CORO2B: variants seen among roughly 807,000 people sequenced by gnomAD.
CORO2B encodes the protein coronin-2B.
A neutral mutation model predicts 58.8 loss-of-function variants in CORO2B; 26 were observed. The observed-to-expected ratio is 0.44, with a 90% CI of 0.32 to 0.61. The LOEUF is 0.61. CORO2B is among the 20% of genes least tolerant of loss of function. CORO2B has a pLI of 0.04. For missense variants in CORO2B, 460 were observed against 645.1 expected, an observed-to-expected ratio of 0.71 and a Z score of 3.11; for synonymous variants, 242 against 253.8, an observed-to-expected ratio of 0.95 and a Z score of 0.44.
At chr15:68,595,520 C>T (rs766999586) in intron 1 of CORO2B, among the ~76,000 whole-genome samples, 1 of 152,232 alleles carries the variant, frequency 6.6e-6, no homozygotes, top group African/African-American at 2.4e-5. Context: ...ATCCCCTTCC[C>T]TCAGTTCAGC....
intron 2 of CORO2B, among the ~76,000 whole-genome samples, chr15:68,672,086 C>A (rs996435794): frequency 1.3e-5 from 2 of 151,602 alleles, no homozygotes; most frequent in African/African-American, 4.9e-5. Context: ...TCCACTTGTT[C>A]GCTGAGTGCA....
chr15:68,640,185 C>G (rs937023766), intron 1 of CORO2B, among the ~76,000 whole-genome samples: 5 of 152,206 alleles, frequency 3.3e-5, no homozygotes, highest in Admixed American at 1.3e-4. Flanking sequence ...CCTGGCCTGG[C>G]CTTCCAGCCT....
Position 68,725,959 on chromosome 15 carries a change from C to G in CORO2B, c.1428C>G (p.Ser476Arg). ...LQLELKNLRN[S>R]PKNC ...TGGAACTGAAAAACTTGCGCAACAG[C>G]CCCAAGAACTGTTAGCTCCCCAGCT... Residue 476 changes from serine (S) to arginine (R), a missense_variant, in exon 12 of 12, where the codon AGC becomes AGG. Physicochemically the swap from Ser to Arg is moderately radical, Grantham distance 110. Transcript: ENST00000261861. 6.2e-7 allele frequency: 1 copy of G among 1,613,778 alleles called. No individual in the cohort carries two copies. Among genetic ancestry groups the G allele is most frequent in the East Asian group, 2.2e-5 (1 of 44,882 alleles).
chr15:68,534,852 G>A, the CORO2B span, among the ~76,000 whole-genome samples: 159 of 152,294 alleles, frequency 1.0e-3, no homozygotes, highest in African/African-American at 3.6e-3. Context: ...GGCGGAAGGC[G>A]AAAGACACAT....
intron 8 of CORO2B, 64 bp downstream of exon 8, chr15:68,715,375 G>A (rs1893009521): frequency 1.7e-6 from 2 of 1,146,644 alleles, no homozygotes; most frequent in Non-Finnish European, 2.6e-6. Flanking sequence ...CTGGCCCATG[G>A]GTCACCCCCT....
At chr15:68,675,028 A>C (rs1176813709) in intron 2 of CORO2B, among the ~76,000 whole-genome samples, 2 of 152,214 alleles carry the variant, frequency 1.3e-5, no homozygotes, top group Non-Finnish European at 2.9e-5. Context: ...AAAAAGACTT[A>C]GGCAAGAAGA....
chr15:68,591,900 C>G (rs910254821), intron 1 of CORO2B, among the ~76,000 whole-genome samples: 3 of 152,174 alleles, frequency 2.0e-5, no homozygotes, highest in Non-Finnish European at 2.9e-5. Context: ...TTCAGGAGCT[C>G]CTGCCTAAAC....
chr15:68,570,808 T>TTG, the CORO2B span, among the ~76,000 whole-genome samples: 1 of 143,110 alleles, frequency 7.0e-6, no homozygotes, highest in Non-Finnish European at 1.5e-5. Flanking sequence ...AGTTTTTTTT[T>TTG]TTTTTTTTTT....
At chr15:68,611,568 G>A (rs1900248309) in intron 1 of CORO2B, among the ~76,000 whole-genome samples, 1 of 152,030 alleles carries the variant, frequency 6.6e-6, no homozygotes, top group Admixed American at 6.5e-5. Context: ...CTGAAAGCAT[G>A]TCATAGTTAA....
chr15:68,552,396 T>C, the CORO2B span, among the ~76,000 whole-genome samples: 2 of 134,140 alleles, frequency 1.5e-5, no homozygotes, highest in Non-Finnish European at 3.1e-5. Flanking sequence ...GGAAATCTGG[T>C]TCCATCTAAA....
chr15:68,522,755 A>G, the CORO2B span, among the ~76,000 whole-genome samples: 2 of 152,160 alleles, frequency 1.3e-5, no homozygotes, highest in Non-Finnish European at 2.9e-5. Flanking sequence ...TCATCTTGTT[A>G]TATCTTTTTA....
chr15:68,535,515 A>T, the CORO2B span, among the ~76,000 whole-genome samples: 1 of 151,102 alleles, frequency 6.6e-6, no homozygotes, highest in African/African-American at 2.4e-5. Context: ...GACATTGAAT[A>T]AATGTTGTTC....
chr15:68,560,710 G>T, the CORO2B span, among the ~76,000 whole-genome samples: 1 of 152,170 alleles, frequency 6.6e-6, no homozygotes, highest in Non-Finnish European at 1.5e-5. Context: ...GCTCCTTGCT[G>T]GTCAGGGCCG....
chr15:68,714,047 C>A lies in CORO2B; in HGVS notation c.765+6C>A, dbSNP rs1238208299. On this transcript the variant is annotated splice_donor_region_variant and intron_variant, in intron 6 of 11. Transcript: ENST00000261861. The stretch of plus-strand genomic sequence containing the variant: ...AGATTGCCCTCTGGGACCAGGTCAG[C>A]CACGGGGAGGCCTGCTGGGTTTGGG... 1 of 1,593,904 alleles carries A rather than the reference C, an allele frequency of 6.3e-7. No individual in the cohort carries two copies.
chr15:68,547,846 TTTCA>T, the CORO2B span, among the ~76,000 whole-genome samples: 1 of 152,202 alleles, frequency 6.6e-6, no homozygotes. Context: ...TTATGGACTA[TTTCA>T]TTCAGTCACT....
the CORO2B span, among the ~76,000 whole-genome samples, chr15:68,560,325 C>T: frequency 2.0e-5 from 3 of 148,644 alleles, no homozygotes; most frequent in Admixed American, 6.7e-5. Context: ...GACAGGTTCT[C>T]GCTCTGTCAC....
intron 1 of CORO2B, among the ~76,000 whole-genome samples, chr15:68,588,824 T>A (rs1899632261): frequency 1.4e-5 from 2 of 145,392 alleles, no homozygotes; most frequent in African/African-American, 5.1e-5. Flanking sequence ...ACAAAGGGAT[T>A]TAATTCCTGA....
chr15:68,607,470 C>A (rs1323981488), intron 1 of CORO2B, among the ~76,000 whole-genome samples: 1 of 152,164 alleles, frequency 6.6e-6, no homozygotes, highest in Admixed American at 6.5e-5. Context: ...GTCACTTCCA[C>A]ACCCAGATTC....
At chr15:68,696,843 C>T (rs1410666409) in intron 3 of CORO2B, among the ~76,000 whole-genome samples, 1 of 152,200 alleles carries the variant, frequency 6.6e-6, no homozygotes, top group Non-Finnish European at 1.5e-5. Flanking sequence ...TGTTCCCAGG[C>T]AAAGGAAAAT....
Sources: gnomAD v4.1 joint callset for allele counts (sites outside exome capture counted in the v4.1 genomes callset) on GRCh38, gnomAD v4.1.1 for gene constraint, MANE v1.5 for transcripts, NCBI Gene and HGNC (gene_info 2026-07-23, HGNC 2026-07-21) for gene names.